Variants in BBS4 observed in about 807,000 individuals in gnomAD.
The protein encoded by BBS4 is Bardet-Biedl syndrome 4, also known as BBSome complex member BBS4.
Under a neutral mutation model 71.4 loss-of-function variants are expected in BBS4, and 58 were observed. The observed-to-expected ratio is 0.81, with a 90% CI of 0.66 to 1.01. BBS4 has a LOEUF of 1.01. BBS4 is among the 50% of genes least tolerant of loss of function. BBS4 has a pLI of 0.00. For missense variants in BBS4, 660 were observed against 607.9 expected (o/e 1.09, Z -0.90); for synonymous variants, 228 against 216.8 (o/e 1.05, Z -0.46).
chr15:72,726,319 T>G (rs1417675198), intron 8 of BBS4, among the ~76,000 whole-genome samples: 1 of 151,834 alleles, frequency 6.6e-6, no homozygotes, highest in Non-Finnish European at 1.5e-5. Flanking sequence ...ACCATGTTGG[T>G]CAGGCTGGTC....
chr15:72,690,057 G>C (rs2064957119), intron 1 of BBS4, among the ~76,000 whole-genome samples: 1 of 151,990 alleles, frequency 6.6e-6, no homozygotes, highest in African/African-American at 2.4e-5. Flanking sequence ...TGATCCGCCC[G>C]ACTCAGCCTC....
rs4777527 is a variant in BBS4 at position 72,695,247 on chromosome 15, G to T, written c.76+19G>T. On this transcript the variant is annotated intron_variant, in intron 2 of 15. Coordinates refer to ENST00000268057, the MANE Select transcript of BBS4 (RefSeq NM_033028.5). ...AAAAAAGGTCTGTATGCAGTTTCAT[G>T]GTATGTGTATGTTTGCACAGACAGA... 1,517,056 of 1,532,184 alleles carry T rather than the reference G, an allele frequency of 0.99. 752,243 individuals are homozygous for T. Among genetic ancestry groups the T allele is most frequent in the East Asian group, 1 (44,392 of 44,392 alleles). The allele number at this position is 1,532,184 out of a possible 1,614,324, so 94.9% of individuals were successfully genotyped here.
At chr15:72,730,396 A>G (rs1219542141) in intron 10 of BBS4, among the ~76,000 whole-genome samples, 1 of 152,202 alleles carries the variant, frequency 6.6e-6, no homozygotes, top group Non-Finnish European at 1.5e-5. Flanking sequence ...CAGGAGTTCA[A>G]GACCAGGCTG....
chr15:72,727,539 T>C (rs1444001846), intron 8 of BBS4, among the ~76,000 whole-genome samples: 1 of 152,088 alleles, frequency 6.6e-6, no homozygotes, highest in Non-Finnish European at 1.5e-5. Flanking sequence ...CTGCCTGGCA[T>C]TGTGAGCACA....
In BBS4 at chr15:72,726,617, C is replaced by T. The variant is rs76327803; in HGVS notation, c.588-1323C>T. On this transcript the variant is annotated intron_variant, in intron 8 of 15. Coordinates refer to ENST00000268057, the MANE Select transcript of BBS4 (RefSeq NM_033028.5). Reference sequence around the variant, plus strand: ...TTTTCTGGTTATATCAGTCACAGCACTGCTTTCTGAATTTTCTTCAACCAT... The same window carrying T: ...TTTTCTGGTTATATCAGTCACAGCATTGCTTTCTGAATTTTCTTCAACCAT... Among the ~76,000 whole-genome samples, 99 of 152,280 alleles carry T rather than the reference C, an allele frequency of 6.5e-4. No homozygotes were observed. In the East Asian group the frequency reaches 0.015, roughly 24 times the overall value.
At position 72,692,770 on chromosome 15, in the gene BBS4, G is replaced by GT. The variant is rs566147594; in HGVS notation, c.25-2399dup. Among the ~76,000 whole-genome samples the GT allele has an allele frequency of 2.2e-4, 33 of 151,668 alleles. 1 individual carries two copies. In the South Asian group the frequency reaches 2.9e-3, roughly 13 times the overall value. The stretch of plus-strand genomic sequence containing the variant: ...CCACTATGCCTGGCTAATTTCTAAA[G>GT]TTTTTTTTATAGAGGCAGAGTCTCG... On this transcript the variant is annotated intron_variant, in intron 1 of 15. Transcript: ENST00000268057.
intron 14 of BBS4, among the ~76,000 whole-genome samples, chr15:72,736,265 G>A (rs1198289153): frequency 1.5e-5 from 2 of 134,000 alleles, no homozygotes; most frequent in East Asian, 4.5e-4. Flanking sequence ...TTTTTGAGAC[G>A]GAATCTCGCT....
Position 72,695,213 on chromosome 15 carries a change from C to A in BBS4, c.61C>A (p.Pro21Thr). The A allele has an allele frequency of 6.2e-7, 1 of 1,603,916 alleles. No homozygotes were observed. Among genetic ancestry groups the A allele is most frequent in the Non-Finnish European group, 8.5e-7 (1 of 1,171,244 alleles). The stretch of plus-strand genomic sequence containing the variant: ...TCCTGTATCTACTGAGTCTCAAAAA[C>A]CCCGGCAGAAAAAAGGTCTGTATGC... ...QFPVSTESQK[P>T]RQKKAPEFPI... is the part of the protein sequence containing the mutation. The change falls in exon 2 of 16, where the codon CCC becomes ACC. Residue 21 changes from proline (P) to threonine (T), a missense_variant. Physicochemically the swap from Pro to Thr is conservative, Grantham distance 38. Coordinates refer to ENST00000268057, the MANE Select transcript of BBS4 (RefSeq NM_033028.5).
chr15:72,736,638 C>T, intron 14 of BBS4, 124 bp from the exon 15 acceptor site: 2 of 866,950 alleles, frequency 2.3e-6, no homozygotes, highest in Non-Finnish European at 3.8e-6. Context: ...GTACTTCCTG[C>T]CTCAACTGCT....
rs978600468 is a variant in BBS4 at position 72,738,398 on chromosome 15, T to C, written c.*811T>C. The C allele has an allele frequency of 2.4e-6, 1 of 416,622 alleles. No individual in the cohort carries two copies. Among genetic ancestry groups the C allele is most frequent in the African/African-American group, 2.1e-5 (1 of 48,352 alleles). 25.8% of individuals were successfully genotyped at this position (416,622 alleles called of 1,614,324 possible). ...TGTCCTTTTTAGAATAAAGATTACA[T>C]ATCATCATTCCTTTGGGGAAAATTG... On this transcript the variant is annotated 3_prime_UTR_variant, in exon 16 of 16. Coordinates refer to ENST00000268057, the MANE Select transcript of BBS4 (RefSeq NM_033028.5).
intron 3 of BBS4, among the ~76,000 whole-genome samples, chr15:72,711,011 C>G (rs987094816): frequency 4.7e-4 from 70 of 148,882 alleles, no homozygotes; most frequent in African/African-American, 1.6e-3. Context: ...CCATGTTGGT[C>G]AGGCTGGTCT....
chr15:72,697,060 G>A (rs2065089700), intron 2 of BBS4, among the ~76,000 whole-genome samples: 1 of 152,154 alleles, frequency 6.6e-6, no homozygotes, highest in South Asian at 2.1e-4. Flanking sequence ...AGCCTCCCAA[G>A]TAGCTGGGAT....
intron 3 of BBS4, among the ~76,000 whole-genome samples, chr15:72,710,413 G>A (rs1237801179): frequency 6.6e-6 from 1 of 151,922 alleles, no homozygotes; most frequent in Non-Finnish European, 1.5e-5. Flanking sequence ...TATTGGCCAG[G>A]CTGGTCTCGA....
intron 8 of BBS4, 29 bp downstream of exon 8, chr15:72,724,684 T>C (rs1397535109): frequency 1.2e-6 from 2 of 1,612,586 alleles, no homozygotes; most frequent in Non-Finnish European, 1.7e-6. Context: ...TTTAAAACAG[T>C]GAGAAACTAA....
Position 72,724,426 on chromosome 15 carries a change from C to G in BBS4, c.460-102C>G, listed in dbSNP as rs975358823. On this transcript the variant is annotated intron_variant, in intron 7 of 15. Transcript: ENST00000268057. ...GGGCTGTTTGCTGAAATGTGATGTT[C>G]CTATGTCAATACAGCAGAAAGTGTC... The G allele has an allele frequency of 2.6e-6, 4 of 1,538,284 alleles. No individual in the cohort carries two copies. In the African/African-American group the frequency reaches 4.1e-5, roughly 16 times the overall value.
At chr15:72,735,697 C>G in intron 13 of BBS4, 128 bp from the exon 14 acceptor site, 2 of 1,196,902 alleles carry the variant, frequency 1.7e-6, no homozygotes, top group Non-Finnish European at 2.5e-6. Flanking sequence ...ACGTATGTAC[C>G]TACCTTGCTG....
At position 72,733,809 on chromosome 15, in the gene BBS4, G is replaced by C. The variant is rs144676411; in HGVS notation, c.1037-1304G>C. Among the ~76,000 whole-genome samples, 1,039 of 152,208 alleles carry C rather than the reference G, an allele frequency of 6.8e-3. 8 individuals carry two copies. Among genetic ancestry groups the C allele is most frequent in the African/African-American group, 0.024 (995 of 41,524 alleles). ...TACCCAGTAATGGGATTGCTGGGTC[G>C]AAGGGTAGTTGTATTTTTAGCTCTT... On this transcript the variant is annotated intron_variant, in intron 12 of 15. Transcript: ENST00000268057.
chr15:72,696,285 G>A (rs1451855324), intron 2 of BBS4, among the ~76,000 whole-genome samples: 1 of 152,130 alleles, frequency 6.6e-6, no homozygotes, highest in Admixed American at 6.5e-5. Context: ...TACTTTGCCT[G>A]ATAATATTTT....
intron 10 of BBS4, among the ~76,000 whole-genome samples, chr15:72,730,233 C>T (rs1009587068): frequency 3.3e-5 from 5 of 149,626 alleles, no homozygotes; most frequent in African/African-American, 7.4e-5. Context: ...GCTGAGATCA[C>T]GCGCCACTGC....
Sources: allele counts gnomAD v4.1 joint callset (sites outside exome capture counted in the v4.1 genomes callset), GRCh38; gene constraint gnomAD v4.1.1; transcripts MANE v1.5; gene names NCBI Gene and HGNC (gene_info 2026-07-23, HGNC 2026-07-21).